CLDND1: variants seen among roughly 807,000 people sequenced by gnomAD.
The protein encoded by CLDND1 is claudin domain containing 1.
A neutral mutation model predicts 26.3 loss-of-function variants in CLDND1; 13 were observed. The observed-to-expected ratio is 0.49, with a 90% CI of 0.32 to 0.78. The LOEUF (loss-of-function observed/expected upper bound fraction) is 0.78. Ranked by LOEUF, CLDND1 falls within the 30% of genes least tolerant of loss-of-function variation. The pLI is 0.03. For missense variants in CLDND1, 289 were observed against 312.8 expected (o/e 0.92, Z 0.57); for synonymous variants, 107 against 107.0 (o/e 1.00, Z 0.00).
At chr3:98,518,746 T>G in intron 3 of CLDND1, 139 bp downstream of exon 3, 1 of 613,504 alleles carries the variant, frequency 1.6e-6, no homozygotes, top group Non-Finnish European at 2.9e-6. Context: ...CAGAATAGAG[T>G]TCACTGGATA....
chr3:98,522,892 C>G lies in CLDND1; in HGVS notation c.-62G>C, dbSNP rs760858906. 1.9e-6 allele frequency: 3 copies of G among 1,613,196 alleles called. No homozygotes were observed. The highest frequency in any genetic ancestry group is 2.5e-6 in the Non-Finnish European group (3 of 1,179,490). ...GCCAGCTTCACCCTCTAGCTCAGAC[C>G]ACAGCACCCTACTCTCCCCGCGCCT... is the stretch of plus-strand genomic sequence containing the variant. On this transcript the variant is annotated 5_prime_UTR_variant, in exon 1 of 5. Transcript: ENST00000341181.
chr3:98,519,063 T>A, intron 2 of CLDND1, 68 bp from the exon 3 acceptor site: 1 of 909,178 alleles, frequency 1.1e-6, no homozygotes, highest in South Asian at 1.6e-5. Context: ...TCAGTAATTA[T>A]TCTCTGAAGT....
intron 3 of CLDND1, among the ~76,000 whole-genome samples, chr3:98,518,536 C>A (rs549327365): frequency 6.6e-6 from 1 of 152,260 alleles, no homozygotes; most frequent in South Asian, 2.1e-4. Flanking sequence ...CATATACTTA[C>A]CTGAACTCAA....
chr3:98,520,114 G>C (rs1308300742), intron 2 of CLDND1, among the ~76,000 whole-genome samples: 1 of 152,136 alleles, frequency 6.6e-6, no homozygotes, highest in Non-Finnish European at 1.5e-5. Flanking sequence ...AGCTCCCCAG[G>C]AGTAAGGATT....
rs1417240149 is a variant in CLDND1 at position 98,515,551 on chromosome 3, CA to C, written c.*1107del. ...GTTATGGTAAGAAATTATGAAGTTA[CA>C]TTTTTTTAATCTGTCAATTGCTACA... On this transcript the variant is annotated 3_prime_UTR_variant, in exon 5 of 5. Coordinates refer to ENST00000341181, the MANE Select transcript of CLDND1 (RefSeq NM_001040181.2). The C allele has an allele frequency of 2.0e-5, 18 of 910,414 alleles. No homozygotes were observed. Among genetic ancestry groups the C allele is most frequent in the East Asian group, 8.0e-5 (1 of 12,570 alleles). 56.4% of individuals were successfully genotyped at this position (910,414 alleles called of 1,614,324 possible). A position where few individuals can be genotyped will look rare whatever the true frequency, so the allele number is the denominator to read the frequency against.
intron 3 of CLDND1, chr3:98,518,618 G>T: frequency 2.6e-6 from 1 of 380,948 alleles, no homozygotes; most frequent in South Asian, 5.5e-5. Context: ...TTACTAAATG[G>T]GCCCATTAAT....
Position 98,517,067 on chromosome 3 carries a change from G to A in CLDND1, c.526C>T (p.Leu176Phe). Residue 176 changes from leucine (L) to phenylalanine (F), a missense_variant, in exon 4 of 5, where the codon CTC becomes TTC. Leu to Phe is a conservative substitution (Grantham distance 22). Transcript: ENST00000341181. The part of the protein sequence containing the change: ...SLYPTIATGI[L>F]HLLAGLCTLG... ...CAAAACCTACCTGCAAGGAGATGGAGAATGCCCGTGGCAATGGTGGGATAT... is the reference window on the plus strand; with the variant it reads ...CAAAACCTACCTGCAAGGAGATGGAAAATGCCCGTGGCAATGGTGGGATAT... 2 of 1,614,142 alleles carry A rather than the reference G, an allele frequency of 1.2e-6. No individual in the cohort carries two copies. The highest frequency in any genetic ancestry group is 2.2e-5 in the East Asian group (1 of 44,886).
Position 98,515,967 on chromosome 3 carries a change from A to T in CLDND1, c.*692T>A. 1 of 1,210,018 alleles carries T rather than the reference A, an allele frequency of 8.3e-7. No individual in the cohort carries two copies. Among genetic ancestry groups the T allele is most frequent in the Non-Finnish European group, 1.1e-6 (1 of 950,698 alleles). The allele number at this position is 1,210,018 out of a possible 1,614,324, so 75.0% of individuals were successfully genotyped here. A position where few individuals can be genotyped will look rare whatever the true frequency, so the allele number is the denominator to read the frequency against. On this transcript the variant is annotated 3_prime_UTR_variant, in exon 5 of 5. Coordinates refer to ENST00000341181, the MANE Select transcript of CLDND1 (RefSeq NM_001040181.2). ...TCCAAAACAATTTGGTGGTACTGAA[A>T]ATCTTACGGAGAGTTAAAAATAATA...
At chr3:98,519,483 A>C (rs1338032823) in intron 2 of CLDND1, among the ~76,000 whole-genome samples, 1 of 152,216 alleles carries the variant, frequency 6.6e-6, no homozygotes, top group African/African-American at 2.4e-5. Context: ...CAGTGCTACC[A>C]TTCTGGTGTG....
chr3:98,521,809 T>C, intron 1 of CLDND1: 4 of 927,928 alleles, frequency 4.3e-6, no homozygotes, highest in Non-Finnish European at 6.8e-6. Flanking sequence ...ACAGACTGAA[T>C]TTTTGCACGA....
intron 2 of CLDND1, 30 bp downstream of exon 2, chr3:98,521,103 A>C (rs781131141): frequency 1.3e-6 from 2 of 1,578,228 alleles, no homozygotes; most frequent in South Asian, 2.3e-5. Flanking sequence ...AACCAGGTGA[A>C]GAAGACAGAA....
In CLDND1 at chr3:98,521,217, G is replaced by A; in HGVS notation, c.208C>T (p.Arg70Ter). 1 of 1,614,086 alleles carries A rather than the reference G, an allele frequency of 6.2e-7. No individual in the cohort carries two copies. The highest frequency in any genetic ancestry group is 8.5e-7 in the Non-Finnish European group (1 of 1,179,992). The change falls in exon 2 of 5, where the codon CGA becomes TGA. Residue 70 changes from arginine to a stop codon, truncating the protein, a stop_gained. Coordinates refer to ENST00000341181, the MANE Select transcript of CLDND1 (RefSeq NM_001040181.2). LOFTEE classifies it high-confidence loss of function. ...CACAATCCCACTGTGCCATTGTATC[G>A]AAAAAGTGCATCATTATAAGTCTTT... ...DEKTYNDALF[R>*]YNGTVGLWRR...
chr3:98,516,913 T>C (rs377225275), intron 4 of CLDND1, 34 bp from the exon 5 acceptor site: 1 of 1,612,692 alleles, frequency 6.2e-7, no homozygotes, highest in African/African-American at 1.3e-5. Context: ...AAACAAAACA[T>C]GGCTGGATAA....
In CLDND1 at chr3:98,516,130, T is replaced by C. The variant is rs912209531; in HGVS notation, c.*529A>G. 27 of 1,069,706 alleles carry C rather than the reference T, an allele frequency of 2.5e-5. No homozygotes were observed. The South Asian group carries it at 3.0e-4, about 12-fold the overall frequency. The allele number at this position is 1,069,706 out of a possible 1,614,324, so 66.3% of individuals were successfully genotyped here. A position where few individuals can be genotyped will look rare whatever the true frequency, so the allele number is the denominator to read the frequency against. On this transcript the variant is annotated 3_prime_UTR_variant, in exon 5 of 5. Coordinates refer to ENST00000341181, the MANE Select transcript of CLDND1 (RefSeq NM_001040181.2). ...CCATATCTCACCTCAGATGAAGCTA[T>C]GTGTCAATGCTTAGGGAAAATGATC...
Position 98,521,148 on chromosome 3 carries a change from G to T in CLDND1, c.277C>A (p.Pro93Thr). 6.2e-7 allele frequency: 1 copy of T among 1,613,016 alleles called. No homozygotes were observed. Among genetic ancestry groups the T allele is most frequent in the African/African-American group, 1.3e-5 (1 of 75,012 alleles). The change falls in exon 2 of 5, where the codon CCA becomes ACA. Residue 93 changes from proline to threonine, a missense_variant. Coordinates refer to ENST00000341181, the MANE Select transcript of CLDND1 (RefSeq NM_001040181.2). The part of the protein sequence containing the change: ...TIPKNMHWYS[P>T]PERTESFDVV... Reference sequence around the variant, plus strand: ...AGAGAAATACCTGTCCTTTCTGGTGGGCTATACCAATGCATGTTTTTGGGT... The same window carrying T: ...AGAGAAATACCTGTCCTTTCTGGTGTGCTATACCAATGCATGTTTTTGGGT...
At position 98,516,553 on chromosome 3, in the gene CLDND1, A is replaced by G; in HGVS notation, c.*106T>C. 3 of 1,433,362 alleles carry G rather than the reference A, an allele frequency of 2.1e-6. No homozygotes were observed. The highest frequency in any genetic ancestry group is 2.8e-6 in the Non-Finnish European group (3 of 1,086,348). 88.8% of individuals were successfully genotyped at this position (1,433,362 alleles called of 1,614,324 possible). On this transcript the variant is annotated 3_prime_UTR_variant, in exon 5 of 5. Transcript: ENST00000341181. ...AAATAAAATAGATTTTCATAATAAA[A>G]TGGTATATCCACAAATAAAAATTAA...
chr3:98,515,850 C>T lies in CLDND1; in HGVS notation c.*809G>A, dbSNP rs937368733. The T allele has an allele frequency of 1.9e-5, 25 of 1,288,420 alleles. No homozygotes were observed. In the Admixed American group the frequency reaches 2.8e-4, roughly 14 times the overall value. The allele number at this position is 1,288,420 out of a possible 1,614,324, so 79.8% of individuals were successfully genotyped here. On this transcript the variant is annotated 3_prime_UTR_variant, in exon 5 of 5. Transcript: ENST00000341181. ...GTACTGGGCTGGAATAAATAAATAG[C>T]AGTTGAGGAATTTTACCTTGTAACT...
Position 98,516,277 on chromosome 3 carries a change from A to T in CLDND1, c.*382T>A. On this transcript the variant is annotated 3_prime_UTR_variant, in exon 5 of 5. Transcript: ENST00000341181. ...GTTTTGACGATGAGAGGTTTCCCAAAGAAACTAATATAGAGTTTTTAGTTG... is the reference window on the plus strand; with the variant it reads ...GTTTTGACGATGAGAGGTTTCCCAATGAAACTAATATAGAGTTTTTAGTTG... 9.7e-7 allele frequency: 1 copy of T among 1,029,144 alleles called. No homozygotes were observed. The allele number at this position is 1,029,144 out of a possible 1,614,324, so 63.8% of individuals were successfully genotyped here.
Position 98,522,881 on chromosome 3 carries a change from C to A in CLDND1, c.-51G>T, listed in dbSNP as rs1559656697. 6.2e-7 allele frequency: 1 copy of A among 1,613,550 alleles called. No homozygotes were observed. The highest frequency in any genetic ancestry group is 8.5e-7 in the Non-Finnish European group (1 of 1,179,680). ...CCTCCTGCTCCGCCAGCTTCACCCTCTAGCTCAGACCACAGCACCCTACTC... is the reference window on the plus strand; with the variant it reads ...CCTCCTGCTCCGCCAGCTTCACCCTATAGCTCAGACCACAGCACCCTACTC... On this transcript the variant is annotated 5_prime_UTR_variant, in exon 1 of 5. Coordinates refer to ENST00000341181, the MANE Select transcript of CLDND1 (RefSeq NM_001040181.2).
Sources: gnomAD v4.1 joint callset for allele counts (sites outside exome capture counted in the v4.1 genomes callset) on GRCh38, gnomAD v4.1.1 for gene constraint, MANE v1.5 for transcripts, NCBI Gene and HGNC (gene_info 2026-07-23, HGNC 2026-07-21) for gene names.